Variants in BCR observed in about 807,000 individuals in gnomAD.
BCR encodes breakpoint cluster region protein.
Under a neutral mutation model 138.6 loss-of-function variants are expected in BCR, and 58 were observed. That is an observed-to-expected ratio of 0.42 (90% confidence interval 0.34 to 0.52). The LOEUF (loss-of-function observed/expected upper bound fraction) is 0.52. Ranked by LOEUF, BCR falls within the 20% of genes least tolerant of loss-of-function variation. BCR has a pLI of 0.06. For synonymous variants in BCR, 786 were observed against 730.1 expected (o/e 1.08, Z -1.23); for missense variants, 1,599 against 1,727.2 (o/e 0.93, Z 1.32).
At chr22:23,280,941 C>G (rs568557903) in intron 8 of BCR, among the ~76,000 whole-genome samples, 7 of 152,352 alleles carry the variant, frequency 4.6e-5, no homozygotes, top group Admixed American at 6.5e-5. Context: ...CTGACACGCA[C>G]AGGACATGCC....
chr22:23,196,512 A>G (rs1460594787), intron 1 of BCR, among the ~76,000 whole-genome samples: 1 of 152,170 alleles, frequency 6.6e-6, no homozygotes, highest in Non-Finnish European at 1.5e-5. Flanking sequence ...CATTCAGTAT[A>G]GTCGTCTCTC....
At chr22:23,239,679 T>G (rs1388013453) in intron 1 of BCR, among the ~76,000 whole-genome samples, 1 of 152,200 alleles carries the variant, frequency 6.6e-6, no homozygotes, top group Non-Finnish European at 1.5e-5. Context: ...TCATAGAAAT[T>G]TATCATCTCA....
intron 17 of BCR, chr22:23,309,907 T>C (rs1189116272): frequency 6.2e-6 from 2 of 323,884 alleles, no homozygotes; most frequent in Non-Finnish European, 1.2e-5. Flanking sequence ...CTTACATTAT[T>C]CTGTCTTTCC....
intron 2 of BCR, 65 bp from the exon 3 acceptor site, chr22:23,260,885 A>G: frequency 3.4e-6 from 5 of 1,452,326 alleles, no homozygotes; most frequent in Non-Finnish European, 4.8e-6. Flanking sequence ...CCTCTCTCAG[A>G]GGGCCCTGAT....
At chr22:23,292,209 G>T (rs542903621) in intron 14 of BCR, among the ~76,000 whole-genome samples, 1 of 152,174 alleles carries the variant, frequency 6.6e-6, no homozygotes, top group Non-Finnish European at 1.5e-5. Flanking sequence ...TAACAATGGC[G>T]TGTACACCTC....
chr22:23,181,983 C>T lies in BCR; in HGVS notation c.1023C>T (p.Ser341=), dbSNP rs146690317. 1.9e-6 allele frequency: 3 copies of T among 1,613,330 alleles called. No individual in the cohort carries two copies. The highest frequency in any genetic ancestry group is 1.7e-6 in the Non-Finnish European group (2 of 1,179,906). ...DCSSNENLTS[S]EEDFSSGQSS... is the part of the protein sequence containing the mutation. ...GCTCCAATGAGAACCTCACCTCCAG[C>T]GAGGAGGACTTCTCCTCTGGCCAGT... is the stretch of plus-strand genomic sequence containing the variant. Residue 341 remains serine (S), a synonymous_variant, in exon 1 of 23, where the codon AGC becomes AGT. Coordinates refer to ENST00000305877, the MANE Select transcript of BCR (RefSeq NM_004327.4).
At chr22:23,212,874 C>T (rs1181614461) in intron 1 of BCR, among the ~76,000 whole-genome samples, 2 of 152,240 alleles carry the variant, frequency 1.3e-5, no homozygotes, top group African/African-American at 2.4e-5. Flanking sequence ...TTGCCCAGAC[C>T]AGAATATGAA....
In BCR at chr22:23,313,965, C is replaced by T. The variant is rs375790456; in HGVS notation, c.3458-3C>T. 1.1e-5 allele frequency: 18 copies of T among 1,613,386 alleles called. No homozygotes were observed. The African/African-American group carries it at 2.3e-4, about 20-fold the overall frequency. ...CCAAGGAGTAACCCACCGCCTTCTG[C>T]AGCTCTTTCAGACCCGGTTGCAAAG... is the stretch of plus-strand genomic sequence containing the variant. On this transcript the variant is annotated splice_region_variant and splice_polypyrimidine_tract_variant and intron_variant, in intron 20 of 22. Transcript: ENST00000305877.
At position 23,181,343 on chromosome 22, in the gene BCR, C is replaced by T. The variant is rs1228623404; in HGVS notation, c.383C>T (p.Pro128Leu). The T allele has an allele frequency of 5.4e-6, 8 of 1,493,236 alleles. No homozygotes were observed. The highest frequency in any genetic ancestry group is 1.4e-5 in the African/African-American group (1 of 70,418). The allele number at this position is 1,493,236 out of a possible 1,614,324, so 92.5% of individuals were successfully genotyped here. A position where few individuals can be genotyped will look rare whatever the true frequency, so the allele number is the denominator to read the frequency against. Residue 128 changes from proline (P) to leucine (L), a missense_variant, in exon 1 of 23, where the codon CCC (proline) becomes CTC (leucine). Around this residue, in one of 4 missense-constraint regions of BCR, gnomAD observed 806 missense variants for 635.0 expected, o/e 1.27. Transcript: ENST00000305877. ...DGEGSPGKARPGTARRPGAAA... is the reference protein window; with the variant it reads ...DGEGSPGKARLGTARRPGAAA... Reference sequence around the variant, plus strand: ...GAGGGTTCTCCGGGTAAGGCCAGGCCCGGGACCGCCCGCAGGCCCGGGGCA... The same window carrying T: ...GAGGGTTCTCCGGGTAAGGCCAGGCTCGGGACCGCCCGCAGGCCCGGGGCA...
intron 1 of BCR, among the ~76,000 whole-genome samples, chr22:23,223,353 G>GCT (rs1468707059): frequency 7.2e-5 from 11 of 152,174 alleles, no homozygotes; most frequent in Admixed American, 6.5e-4. Context: ...TCCATGTATG[G>GCT]CTGTGTGAGT....
intron 1 of BCR, among the ~76,000 whole-genome samples, chr22:23,212,747 A>G (rs751454479): frequency 6.6e-5 from 10 of 152,206 alleles, no homozygotes; most frequent in Non-Finnish European, 1.3e-4. Context: ...ATTCTGATGG[A>G]GAGGGCATTT....
intron 2 of BCR, 77 bp from the exon 3 acceptor site, chr22:23,260,873 C>T (rs115539548): frequency 7.2e-7 from 1 of 1,386,292 alleles, no homozygotes; most frequent in African/African-American, 1.4e-5. Context: ...CAAGCTGGCC[C>T]TCCTCTCTCA....
Position 23,314,149 on chromosome 22 carries a change from C to A in BCR, c.3563+76C>A, listed in dbSNP as rs1311225305. ...GAGTGCCCCTCTGCTCCCACTAGACCCCCAACACCGAGGACCTTTTCTCCT... is the reference window on the plus strand; with the variant it reads ...GAGTGCCCCTCTGCTCCCACTAGACACCCAACACCGAGGACCTTTTCTCCT... On this transcript the variant is annotated intron_variant, in intron 21 of 22. Transcript: ENST00000305877. 1.6e-5 allele frequency: 19 copies of A among 1,198,602 alleles called. No homozygotes were observed. In the Admixed American group the frequency reaches 3.1e-4, roughly 20 times the overall value. 74.2% of individuals were successfully genotyped at this position (1,198,602 alleles called of 1,614,324 possible). A position where few individuals can be genotyped will look rare whatever the true frequency, so the allele number is the denominator to read the frequency against.
intron 1 of BCR, among the ~76,000 whole-genome samples, chr22:23,204,789 C>T (rs1197532203): frequency 1.3e-5 from 2 of 152,182 alleles, no homozygotes; most frequent in African/African-American, 4.8e-5. Context: ...GCGGGAGGCC[C>T]TGCCGTCCGC....
At chr22:23,288,948 A>G (rs1379449010) in intron 12 of BCR, among the ~76,000 whole-genome samples, 2 of 152,258 alleles carry the variant, frequency 1.3e-5, no homozygotes, top group East Asian at 1.9e-4. Context: ...TCACCTATGC[A>G]GAGCCACCTC....
intron 1 of BCR, among the ~76,000 whole-genome samples, chr22:23,220,737 C>G (rs949543849): frequency 2.0e-5 from 3 of 152,172 alleles, no homozygotes; most frequent in Non-Finnish European, 4.4e-5. Context: ...TCTCTGGACC[C>G]GCATTCCCAT....
intron 1 of BCR, among the ~76,000 whole-genome samples, chr22:23,236,218 A>T (rs949142710): frequency 3.9e-5 from 6 of 152,144 alleles, no homozygotes; most frequent in African/African-American, 1.2e-4. Context: ...CTTGCTTAAG[A>T]CAGGTTCCTC....
At position 23,182,022 on chromosome 22, in the gene BCR, C is replaced by T. The variant is rs370557490; in HGVS notation, c.1062C>T (p.Ser354=). The change falls in exon 1 of 23, where the codon TCC becomes TCT. Residue 354 remains serine (S), a synonymous_variant. Transcript: ENST00000305877. ...DFSSGQSSRV[S]PSPTTYRMFR... is the part of the protein sequence containing the mutation. ...CCTCTGGCCAGTCCAGCCGCGTGTC[C>T]CCAAGCCCCACCACCTACCGCATGT... 9 of 1,612,970 alleles carry T rather than the reference C, an allele frequency of 5.6e-6. No individual in the cohort carries two copies. Among genetic ancestry groups the T allele is most frequent in the Non-Finnish European group, 6.8e-6 (8 of 1,179,362 alleles).
chr22:23,225,905 A>C (rs1214335307), intron 1 of BCR, among the ~76,000 whole-genome samples: 2 of 152,208 alleles, frequency 1.3e-5, no homozygotes, highest in African/African-American at 4.8e-5. Context: ...TTTTCTTCCC[A>C]GTGGCCTTAT....
Sources: gnomAD v4.1 joint callset for allele counts (sites outside exome capture counted in the v4.1 genomes callset) on GRCh38, gnomAD v4.1.1 for gene constraint, gnomAD v4.1.1 regional missense constraint, MANE v1.5 for transcripts, NCBI Gene and HGNC (gene_info 2026-07-23, HGNC 2026-07-21) for gene names.